KIF4A: variants seen among roughly 807,000 people sequenced by gnomAD.
KIF4A encodes the protein kinesin family member 4A.
KIF4A carries 7 observed loss-of-function variants against 105.9 expected under a neutral mutation model. The observed-to-expected ratio is 0.07, with a 90% CI of 0.04 to 0.12. The LOEUF (loss-of-function observed/expected upper bound fraction) is 0.12. KIF4A is among the 10% of genes least tolerant of loss of function. The pLI is 1.00. For synonymous variants in KIF4A, 281 were observed against 331.3 expected (o/e 0.85, Z 1.65); for missense variants, 558 against 929.2 (o/e 0.60, Z 5.19).
chrX:70,373,823 CAT>C (rs2086163177), intron 15 of KIF4A, among the ~76,000 whole-genome samples: 2 of 50,365 alleles, frequency 4.0e-5, no homozygotes, highest in East Asian at 8.1e-4. Context: ...TATACACACA[CAT>C]GTACACACAC....
chrX:70,296,516 T>C (rs2085784168), intron 3 of KIF4A, among the ~76,000 whole-genome samples: 1 of 112,738 alleles, frequency 8.9e-6, no homozygotes, highest in African/African-American at 3.2e-5. Context: ...AGTTCAGATA[T>C]GAAGTAGATG....
intron 14 of KIF4A, among the ~76,000 whole-genome samples, 158 bp downstream of exon 14, chrX:70,352,814 T>C (rs1474027896): frequency 2.7e-5 from 3 of 111,905 alleles, no homozygotes; most frequent in African/African-American, 9.8e-5. Context: ...CTTCATAAAA[T>C]CCCTACCTTG....
At chrX:70,406,849 A>C (rs751645088) in intron 27 of KIF4A, 44 bp from the exon 28 acceptor site, 1 of 1,165,758 alleles carries the variant, frequency 8.6e-7, no homozygotes, top group Admixed American at 2.2e-5. Context: ...TATAGTTTTT[A>C]GTTTTTATTA....
intron 7 of KIF4A, among the ~76,000 whole-genome samples, chrX:70,311,988 C>A (rs999367526): frequency 9.3e-6 from 1 of 107,275 alleles, no homozygotes; most frequent in East Asian, 2.9e-4. Flanking sequence ...TATATATACA[C>A]CTAAAAATTA....
chrX:70,373,516 G>GTA (rs1198159876), intron 15 of KIF4A, among the ~76,000 whole-genome samples: 1 of 10,700 alleles, frequency 9.3e-5, no homozygotes, highest in African/African-American at 1.8e-4. Flanking sequence ...ATATACATGT[G>GTA]TGTGTATGTA....
intron 29 of KIF4A, among the ~76,000 whole-genome samples, chrX:70,418,856 G>A (rs1431059969): frequency 1.8e-5 from 2 of 111,319 alleles, no homozygotes; most frequent in South Asian, 3.8e-4. Context: ...AGGCCGAGGC[G>A]GGCGGATCAC....
rs1334671383 is a variant in KIF4A, at chrX:70,374,275, T to C, written c.1778+21T>C. On this transcript the variant is annotated intron_variant, in intron 16 of 30. Transcript: ENST00000374403. ...GCCAAGTAAGAATAAAGTTAATAAA[T>C]GTTATTTCAAGTCCCTACTATGTGT... 2.9e-6 allele frequency: 3 copies of C among 1,051,707 alleles called. No homozygotes were observed. The highest frequency in any genetic ancestry group is 4.0e-6 in the Non-Finnish European group (3 of 755,759). The allele number at this position is 1,051,707 out of a possible 1,213,427, so 86.7% of individuals were successfully genotyped here. A position where few individuals can be genotyped will look rare whatever the true frequency, so the allele number is the denominator to read the frequency against.
chrX:70,371,275 C>T (rs761085185), intron 15 of KIF4A, among the ~76,000 whole-genome samples: 6 of 107,749 alleles, frequency 5.6e-5, no homozygotes, highest in African/African-American at 1.7e-4. Flanking sequence ...GGACACAGCA[C>T]ATGTTTCAGA....
At chrX:70,348,896 C>T (rs868557846) in intron 13 of KIF4A, among the ~76,000 whole-genome samples, 13 of 111,437 alleles carry the variant, frequency 1.2e-4, no homozygotes, top group Admixed American at 1.9e-4. Context: ...ACCTCCCAGA[C>T]GGGGCGGCCG....
intron 18 of KIF4A, among the ~76,000 whole-genome samples, chrX:70,381,713 G>T (rs754318309): frequency 1.7e-4 from 19 of 111,613 alleles, no homozygotes; most frequent in African/African-American, 5.8e-4. Context: ...CATGTTCATG[G>T]GCAGGAAGAC....
At chrX:70,352,534 A>G in intron 13 of KIF4A, 66 bp from the exon 14 acceptor site, 3 of 833,821 alleles carry the variant, frequency 3.6e-6, no homozygotes, top group Non-Finnish European at 3.6e-6. Context: ...TAAATAACCA[A>G]TATAAAATCC....
chrX:70,332,185 G>T (rs2085933419), intron 9 of KIF4A, among the ~76,000 whole-genome samples: 1 of 112,126 alleles, frequency 8.9e-6, no homozygotes, highest in African/African-American at 3.2e-5. Context: ...AGGCAGAGAT[G>T]AGACATTCAG....
chrX:70,311,909 G>C (rs1314711900), intron 7 of KIF4A, among the ~76,000 whole-genome samples: 1 of 105,235 alleles, frequency 9.5e-6, no homozygotes, highest in Admixed American at 1.0e-4. Context: ...AGCTGTGATT[G>C]AGCCACTGCA....
intron 15 of KIF4A, among the ~76,000 whole-genome samples, chrX:70,368,703 C>T (rs954668753): frequency 7.1e-5 from 8 of 112,144 alleles, no homozygotes; most frequent in Non-Finnish European, 1.3e-4. Context: ...GTCAGGGACC[C>T]ACTTGAGGAG....
rs1384458979 is a variant in KIF4A, at chrX:70,348,667, G to A, written c.1432-3933G>A. On this transcript the variant is annotated intron_variant, in intron 13 of 30. Coordinates refer to ENST00000374403, the MANE Select transcript of KIF4A (RefSeq NM_012310.5). ...ACATGTTTCAGAGAGCACGGGGTTGGGGGTAAGGTTATAGATTAACAGCAT... is the reference window on the plus strand; with the variant it reads ...ACATGTTTCAGAGAGCACGGGGTTGAGGGTAAGGTTATAGATTAACAGCAT... Among the ~76,000 whole-genome samples the A allele has an allele frequency of 2.7e-5, 3 of 110,996 alleles. No homozygotes were observed. The South Asian group carries it at 1.2e-3, about 43-fold the overall frequency.
intron 7 of KIF4A, among the ~76,000 whole-genome samples, chrX:70,310,864 A>G (rs1466976382): frequency 9.0e-6 from 1 of 111,336 alleles, no homozygotes; most frequent in Admixed American, 9.6e-5. Context: ...AGAGGCTCAC[A>G]CCTATAATCT....
chrX:70,389,949 A>G (rs1279215235), intron 20 of KIF4A, among the ~76,000 whole-genome samples: 1 of 112,517 alleles, frequency 8.9e-6, no homozygotes, highest in East Asian at 2.8e-4. Flanking sequence ...CATAGAATTT[A>G]CAAATCAATT....
At chrX:70,328,141 CAAT>C (rs2085917455) in intron 7 of KIF4A, among the ~76,000 whole-genome samples, 1 of 111,716 alleles carries the variant, frequency 9.0e-6, no homozygotes, top group African/African-American at 3.3e-5. Context: ...GTAGAGCTAA[CAAT>C]AATGATACCA....
intron 15 of KIF4A, among the ~76,000 whole-genome samples, chrX:70,369,141 G>T (rs771668111): frequency 8.9e-6 from 1 of 112,288 alleles, no homozygotes; most frequent in Non-Finnish European, 1.9e-5. Flanking sequence ...TCCAGGTGCC[G>T]TCTGTCACCC....
Sources: gnomAD v4.1 joint callset for allele counts (sites outside exome capture counted in the v4.1 genomes callset) on GRCh38, gnomAD v4.1.1 for gene constraint, MANE v1.5 for transcripts, NCBI Gene and HGNC (gene_info 2026-07-23, HGNC 2026-07-21) for gene names.